ARHGAP15: variants seen among roughly 807,000 people sequenced by gnomAD.
ARHGAP15 encodes rho GTPase-activating protein 15.
Under a neutral mutation model 63.7 loss-of-function variants are expected in ARHGAP15, and 51 were observed. That is an observed-to-expected ratio of 0.80 (90% CI 0.64 to 1.01). ARHGAP15 has a LOEUF of 1.01. Ranked by LOEUF, ARHGAP15 falls within the 50% of genes least tolerant of loss-of-function variation. The probability of loss-of-function intolerance (pLI) is 0.00; values close to 1 mark genes in which losing one functional copy is unlikely to be tolerated. For synonymous variants in ARHGAP15, 191 were observed against 193.8 expected (o/e 0.99, Z 0.12); for missense variants, 560 against 564.6 (o/e 0.99, Z 0.08).
intron 13 of ARHGAP15, among the ~76,000 whole-genome samples, chr2:143,713,971 C>A (rs1404521149): frequency 6.6e-6 from 1 of 152,140 alleles, no homozygotes; most frequent in Admixed American, 6.5e-5. Flanking sequence ...GGTGGATCTA[C>A]CATTCTGGGG....
At chr2:143,156,510 T>C (rs1219595033) in intron 2 of ARHGAP15, among the ~76,000 whole-genome samples, 1 of 151,908 alleles carries the variant, frequency 6.6e-6, no homozygotes, top group East Asian at 1.9e-4. Context: ...GAGCTATTAA[T>C]TGAGTGTTCT....
intron 11 of ARHGAP15, among the ~76,000 whole-genome samples, chr2:143,585,039 G>A (rs921286554): frequency 1.3e-5 from 2 of 152,000 alleles, no homozygotes; most frequent in African/African-American, 4.8e-5. Flanking sequence ...AAACATACTG[G>A]GTGTTAAAAA....
chr2:143,727,445 C>A (rs1434295009), intron 13 of ARHGAP15, among the ~76,000 whole-genome samples: 1 of 148,192 alleles, frequency 6.7e-6, no homozygotes, highest in Non-Finnish European at 1.5e-5. Context: ...AAAAAAATAA[C>A]CTCAGGTTCT....
intron 6 of ARHGAP15, among the ~76,000 whole-genome samples, chr2:143,296,521 G>A (rs535805960): frequency 5.9e-5 from 9 of 152,074 alleles, no homozygotes; most frequent in South Asian, 4.2e-4. Context: ...GAAGCCATCC[G>A]GTAAGGTAGT....
intron 6 of ARHGAP15, among the ~76,000 whole-genome samples, chr2:143,376,017 C>T (rs1382736689): frequency 1.3e-5 from 2 of 152,192 alleles, no homozygotes; most frequent in East Asian, 3.8e-4. Context: ...ACGCATGTGG[C>T]ATTCTTTGTC....
intron 1 of ARHGAP15, among the ~76,000 whole-genome samples, chr2:143,139,878 GA>G (rs1689292628): frequency 6.6e-6 from 1 of 152,108 alleles, no homozygotes; most frequent in Admixed American, 6.6e-5. Context: ...GATCCTGTAT[GA>G]TATTTTGGGC....
At chr2:143,765,424 A>G (rs1012490101) in intron 13 of ARHGAP15, among the ~76,000 whole-genome samples, 10 of 152,190 alleles carry the variant, frequency 6.6e-5, no homozygotes, top group African/African-American at 2.2e-4. Flanking sequence ...TTATGTTCCA[A>G]AAGAAACTTT....
chr2:143,238,388 A>C (rs545230008), intron 5 of ARHGAP15: 1 of 152,246 alleles, frequency 6.6e-6, no homozygotes, highest in Non-Finnish European at 1.5e-5. Context: ...GGCAAAGGAC[A>C]TGAACAGATA....
At chr2:143,265,662 T>C (rs948077125) in intron 6 of ARHGAP15, among the ~76,000 whole-genome samples, 1 of 152,154 alleles carries the variant, frequency 6.6e-6, no homozygotes, top group Non-Finnish European at 1.5e-5. Context: ...AGAGTTTTCG[T>C]AGGATATTCC....
intron 6 of ARHGAP15, among the ~76,000 whole-genome samples, chr2:143,289,838 A>G (rs1004608869): frequency 1.3e-5 from 2 of 152,190 alleles, no homozygotes; most frequent in Non-Finnish European, 2.9e-5. Context: ...AGGAAGAAGA[A>G]TTATTTCAAA....
At chr2:143,397,303 A>G (rs1687804535) in intron 6 of ARHGAP15, among the ~76,000 whole-genome samples, 1 of 143,934 alleles carries the variant, frequency 6.9e-6, no homozygotes, top group African/African-American at 2.6e-5. Flanking sequence ...GACAATAATA[A>G]TATGAGATAT....
intron 11 of ARHGAP15, among the ~76,000 whole-genome samples, chr2:143,582,697 C>T (rs1696958857): frequency 6.6e-6 from 1 of 152,126 alleles, no homozygotes; most frequent in Non-Finnish European, 1.5e-5. Flanking sequence ...CTTTTTTCTA[C>T]TTTTATTAAG....
intron 10 of ARHGAP15, among the ~76,000 whole-genome samples, chr2:143,520,223 C>T (rs10197904): frequency 2.4e-4 from 37 of 152,216 alleles, no homozygotes; most frequent in African/African-American, 8.9e-4. Flanking sequence ...CTCCTAGTCT[C>T]TTAAGACAAT....
intron 6 of ARHGAP15, among the ~76,000 whole-genome samples, chr2:143,290,782 G>T (rs1421608351): frequency 6.6e-6 from 1 of 152,090 alleles, no homozygotes; most frequent in Admixed American, 6.6e-5. Context: ...ACAGTAAATG[G>T]CTGGAATGGG....
chr2:143,759,522 G>T (rs377387861), intron 13 of ARHGAP15, among the ~76,000 whole-genome samples: 6 of 152,046 alleles, frequency 3.9e-5, no homozygotes, highest in Non-Finnish European at 8.8e-5. Flanking sequence ...TCTCCTGCTC[G>T]AACCCAAAGA....
chr2:143,315,761 C>G (rs2105204063), intron 6 of ARHGAP15, among the ~76,000 whole-genome samples: 1 of 152,166 alleles, frequency 6.6e-6, no homozygotes, highest in East Asian at 1.9e-4. Flanking sequence ...CCTGAATCAC[C>G]TTAATCCTTT....
At chr2:143,467,181 AAGG>A (rs1470456629) in intron 8 of ARHGAP15, among the ~76,000 whole-genome samples, 2 of 151,404 alleles carry the variant, frequency 1.3e-5, no homozygotes, top group Non-Finnish European at 2.9e-5. Flanking sequence ...TGGGGAATCT[AAGG>A]AGGAGAAAAT....
At chr2:143,527,976 C>A (rs1450016312) in intron 10 of ARHGAP15, among the ~76,000 whole-genome samples, 2 of 152,034 alleles carry the variant, frequency 1.3e-5, no homozygotes, top group Non-Finnish European at 2.9e-5. Context: ...AAGAGTATAT[C>A]ATATTGTTCA....
At position 143,476,663 on chromosome 2, in the gene ARHGAP15, T is replaced by C. The variant is rs556924686; in HGVS notation, c.704-10710T>C. 5.3e-5 allele frequency among the ~76,000 whole-genome samples: 8 copies of C among 152,320 alleles called. No individual in the cohort carries two copies. The East Asian group carries it at 1.5e-3, about 29-fold the overall frequency. On this transcript the variant is annotated intron_variant, in intron 8 of 13. Coordinates refer to ENST00000295095, the MANE Select transcript of ARHGAP15 (RefSeq NM_018460.4). ...TGAGAGTCACAGGGTCATTAAACAA[T>C]AGCAAAGCTCTGTTAGTCCATGATC...
Sources: allele counts gnomAD v4.1 joint callset (sites outside exome capture counted in the v4.1 genomes callset), GRCh38; gene constraint gnomAD v4.1.1; transcripts MANE v1.5; gene names NCBI Gene and HGNC (gene_info 2026-07-23, HGNC 2026-07-21).